C2CD3: variants seen among roughly 807,000 people sequenced by gnomAD.
The protein encoded by C2CD3 is C2 domain containing 3 centriole elongation regulator, also known as C2 domain-containing protein 3.
In C2CD3, 148 loss-of-function variants were observed where a neutral mutation model predicts 234.0. That is an observed-to-expected ratio of 0.63 (90% CI 0.55 to 0.72). C2CD3 has a LOEUF of 0.72. Among genes scored for constraint, C2CD3 ranks in the 30% least tolerant of loss-of-function variants. The probability of loss-of-function intolerance (pLI) is 0.00; values close to 1 mark genes in which losing one functional copy is unlikely to be tolerated. For synonymous variants in C2CD3, 1,000 were observed against 1,035.4 expected, an observed-to-expected ratio of 0.97 and a Z score of 0.66; for missense variants, 2,577 against 2,811.5, an observed-to-expected ratio of 0.92 and a Z score of 1.89.
chr11:74,046,353 T>C (rs1953373298), intron 28 of C2CD3, among the ~76,000 whole-genome samples: 1 of 152,206 alleles, frequency 6.6e-6, no homozygotes, highest in African/African-American at 2.4e-5. Flanking sequence ...GTACTTTTTA[T>C]TATTTTAAGA....
Position 74,103,603 on chromosome 11 carries a change from T to A in C2CD3, c.2108A>T (p.Asp703Val), listed in dbSNP as rs775712753. The A allele has an allele frequency of 4.3e-6, 7 of 1,612,390 alleles. No homozygotes were observed. The highest frequency in any genetic ancestry group is 1.1e-5 in the South Asian group (1 of 91,066). ...PLKVTMELIT[D>V]NKDFTGINTK... ...ATTGATACCAGTGAAATCTTTGTTA[T>A]CTGTAATAAGCTCCATGGTTACCTG... The change falls in exon 14 of 33, where the codon GAT (aspartate) becomes GTT (valine). Residue 703 changes from aspartate (D) to valine (V), a missense_variant. By Grantham distance (152) the Asp-to-Val change is radical (BLOSUM62 -3). Coordinates refer to ENST00000334126, the MANE Select transcript of C2CD3 (RefSeq NM_001286577.2).
intron 4 of C2CD3, among the ~76,000 whole-genome samples, 192 bp downstream of exon 4, chr11:74,139,413 T>C (rs1957971432): frequency 6.6e-6 from 1 of 152,208 alleles, no homozygotes; most frequent in Admixed American, 6.5e-5. Context: ...ACAGAAATCA[T>C]GTCTTACTTA....
At chr11:74,021,861 T>C (rs1612071) in intron 32 of C2CD3, among the ~76,000 whole-genome samples, 14,664 of 152,176 alleles carry the variant, frequency 0.096, 2,225 homozygotes, top group African/African-American at 0.32. Flanking sequence ...CGCAGTGGCT[T>C]ACGCTTGTAA....
rs779366546 is a variant in C2CD3, at chr11:74,103,207, T to A, written c.2504A>T (p.Lys835Ile). Residue 835 changes from lysine to isoleucine, a missense_variant, in exon 14 of 33, where the codon AAA becomes ATA. Lys to Ile is a moderately radical substitution (Grantham distance 102). Transcript: ENST00000334126. Reference protein sequence around the residue: ...QSPCNVYLNCKLFSTEEVTRS... With the variant: ...QSPCNVYLNCILFSTEEVTRS... ...GGTGACTTCCTCTGTGCTGAAGAGT[T>A]TACAATTTAAATAAACATTGCATGG... is the stretch of plus-strand genomic sequence containing the variant. The A allele has an allele frequency of 5.6e-6, 9 of 1,614,090 alleles. No homozygotes were observed. In the Admixed American group the frequency reaches 1.5e-4, roughly 27 times the overall value.
rs1288805826 is a variant in C2CD3, at chr11:74,032,567, C to CT, written c.6809+783dup. ...GGTGCCTGTTTAGCTCCATCACTTC[C>CT]TTTTTTAAAAAAATTTAATCTGGCC... On this transcript the variant is annotated intron_variant, in intron 31 of 32. Coordinates refer to ENST00000334126, the MANE Select transcript of C2CD3 (RefSeq NM_001286577.2). 2.6e-5 allele frequency among the ~76,000 whole-genome samples: 4 copies of CT among 152,266 alleles called. No individual in the cohort carries two copies. In the East Asian group the frequency reaches 5.8e-4, roughly 22 times the overall value.
chr11:74,047,393 G>T (rs918823485), intron 28 of C2CD3, among the ~76,000 whole-genome samples: 1 of 152,206 alleles, frequency 6.6e-6, no homozygotes, highest in African/African-American at 2.4e-5. Context: ...CCCACTGTGG[G>T]TATGGTCAAA....
At chr11:74,111,919 TAC>T (rs61499954) in intron 11 of C2CD3, among the ~76,000 whole-genome samples, 9,181 of 124,774 alleles carry the variant, frequency 0.074, 322 homozygotes, top group South Asian at 0.15. Flanking sequence ...TATTTGCTGA[TAC>T]ACACACACAC....
At chr11:74,111,733 T>C (rs980294058) in intron 11 of C2CD3, among the ~76,000 whole-genome samples, 12 of 152,148 alleles carry the variant, frequency 7.9e-5, no homozygotes, top group African/African-American at 2.6e-4. Flanking sequence ...TGGCTTTGAA[T>C]GCAGCCCAAC....
At chr11:74,067,786 A>T (rs35638925) in intron 24 of C2CD3, among the ~76,000 whole-genome samples, 2,465 of 152,230 alleles carry the variant, frequency 0.016, 45 homozygotes, top group Non-Finnish European at 0.024. Flanking sequence ...TATTGTACAG[A>T]TTGGAAGCAT....
chr11:74,114,479 G>C lies in C2CD3; in HGVS notation c.1635C>G (p.Ile545Met). The C allele has an allele frequency of 1.2e-6, 2 of 1,613,752 alleles. No homozygotes were observed. The highest frequency in any genetic ancestry group is 1.7e-6 in the Non-Finnish European group (2 of 1,179,732). ...LGRTHSVRII[I>M]ETMGVPPDSP... ...TATCTGGAGGAACTCCCATGGTTTC[G>C]ATGATGATTCTGACTGAATGTGTTC... The change falls in exon 10 of 33, where the codon ATC (isoleucine) becomes ATG (methionine). Residue 545 changes from isoleucine to methionine, a missense_variant. Ile to Met is a conservative substitution (Grantham distance 10, BLOSUM62 1). Transcript: ENST00000334126.
chr11:74,116,778 G>A (rs191203285), intron 9 of C2CD3, among the ~76,000 whole-genome samples: 1 of 147,088 alleles, frequency 6.8e-6, no homozygotes, highest in East Asian at 2.2e-4. Context: ...ACATATATGT[G>A]TGTATATATA....
At chr11:74,123,634 C>T (rs573503199) in intron 7 of C2CD3, among the ~76,000 whole-genome samples, 2 of 151,646 alleles carry the variant, frequency 1.3e-5, no homozygotes, top group Admixed American at 1.3e-4. Context: ...ATGAATAAAA[C>T]ACAGTTTACA....
At chr11:74,154,737 C>A (rs1726744) in intron 3 of C2CD3, among the ~76,000 whole-genome samples, 92,227 of 152,024 alleles carry the variant, frequency 0.61, 30,076 homozygotes, top group African/African-American at 0.87. Flanking sequence ...CGTCCTAATA[C>A]AACTATTTAC....
chr11:74,041,138 T>C (rs1025751524), intron 29 of C2CD3, among the ~76,000 whole-genome samples: 1 of 152,166 alleles, frequency 6.6e-6, no homozygotes, highest in African/African-American at 2.4e-5. Flanking sequence ...ACTTTCATTT[T>C]TCCTTAAATT....
intron 32 of C2CD3, among the ~76,000 whole-genome samples, chr11:74,017,149 G>C (rs753902757): frequency 4.6e-5 from 7 of 152,328 alleles, no homozygotes; most frequent in Non-Finnish European, 1.0e-4. Context: ...AAGAGGGGTT[G>C]ATGCTGGTTG....
chr11:74,123,602 A>G (rs1957296308), intron 7 of C2CD3, among the ~76,000 whole-genome samples: 1 of 152,218 alleles, frequency 6.6e-6, no homozygotes, highest in African/African-American at 2.4e-5. Flanking sequence ...TGGTGATATT[A>G]GTTCTATATC....
rs1205428108 is a variant in C2CD3, at chr11:74,037,465, A to G, written c.5881+13T>C. 1 of 1,598,964 alleles carries G rather than the reference A, an allele frequency of 6.3e-7. No homozygotes were observed. On this transcript the variant is annotated intron_variant, in intron 30 of 32. Coordinates refer to ENST00000334126, the MANE Select transcript of C2CD3 (RefSeq NM_001286577.2). ...GACCATAACATCTCAACAAGAAAGG[A>G]TCTGAGTCATACCTGTGATTAAGGA...
At position 74,168,330 on chromosome 11, in the gene C2CD3, AAAC is replaced by A. The variant is rs1565365645; in HGVS notation, c.325+11_325+13del. 6.2e-7 allele frequency: 1 copy of A among 1,607,928 alleles called. No individual in the cohort carries two copies. Among genetic ancestry groups the A allele is most frequent in the Admixed American group, 1.7e-5 (1 of 60,000 alleles). The stretch of plus-strand genomic sequence containing the variant: ...TATTACGTCTGCAGGTGCAATGATA[AAAC>A]AATAACATACCTGTTAGATAAGAGG... On this transcript the variant is annotated intron_variant, in intron 2 of 32. Coordinates refer to ENST00000334126, the MANE Select transcript of C2CD3 (RefSeq NM_001286577.2).
At chr11:74,083,810 T>C (rs1955509269) in intron 22 of C2CD3, among the ~76,000 whole-genome samples, 1 of 152,098 alleles carries the variant, frequency 6.6e-6, no homozygotes, top group South Asian at 2.1e-4. Context: ...CTGGAGAGGA[T>C]GTGGAGAAAT....
Sources: allele counts gnomAD v4.1 joint callset (sites outside exome capture counted in the v4.1 genomes callset), GRCh38; gene constraint gnomAD v4.1.1; transcripts MANE v1.5; gene names NCBI Gene and HGNC (gene_info 2026-07-23, HGNC 2026-07-21).